The following FTO variants were observed in gnomAD, a reference collection of about 807,000 sequenced individuals.
The protein encoded by FTO is alpha-ketoglutarate-dependent dioxygenase FTO.
FTO carries 47 observed loss-of-function variants against 63.9 expected under a neutral mutation model. That is an observed-to-expected ratio of 0.74 (90% CI 0.58 to 0.94). The LOEUF (loss-of-function observed/expected upper bound fraction) is 0.94. Among genes scored for constraint, FTO ranks in the 40% least tolerant of loss-of-function variants. The pLI is 0.00. For missense variants in FTO, 562 were observed against 618.1 expected, an observed-to-expected ratio of 0.91 and a Z score of 0.96; for synonymous variants, 207 against 224.4, an observed-to-expected ratio of 0.92 and a Z score of 0.69.
chr16:54,042,837 G>A lies in FTO; in HGVS notation c.1365-68925G>A, dbSNP rs1378687612. ...CAGCCTAACTGGGAGGCACCCCCCAGCAGGGGCACACTGACACCTCACATG... is the reference window on the plus strand; with the variant it reads ...CAGCCTAACTGGGAGGCACCCCCCAACAGGGGCACACTGACACCTCACATG... On this transcript the variant is annotated intron_variant, in intron 8 of 8. Coordinates refer to ENST00000471389, the MANE Select transcript of FTO (RefSeq NM_001080432.3). Among the ~76,000 whole-genome samples, 15 of 73,068 alleles carry A rather than the reference G, an allele frequency of 2.1e-4. 2 individuals are homozygous for A. The highest frequency in any genetic ancestry group is 5.8e-4 in the Admixed American group (4 of 6,868). The allele number at this position is 73,068 out of a possible 152,430, so 47.9% of individuals were successfully genotyped here.
chr16:54,010,493 A>G (rs1380068067), intron 8 of FTO, among the ~76,000 whole-genome samples: 2 of 152,120 alleles, frequency 1.3e-5, no homozygotes, highest in African/African-American at 2.4e-5. Flanking sequence ...TAAAATGTAT[A>G]TGGGAAATCA....
intron 8 of FTO, among the ~76,000 whole-genome samples, chr16:54,000,887 A>T (rs1173497926): frequency 1.3e-5 from 2 of 152,208 alleles, no homozygotes; most frequent in African/African-American, 4.8e-5. Context: ...CATAAAATAG[A>T]AGTCAGAAAG....
At chr16:53,828,291 C>T (rs1419269088) in intron 3 of FTO, among the ~76,000 whole-genome samples, 1 of 152,156 alleles carries the variant, frequency 6.6e-6, no homozygotes, top group African/African-American at 2.4e-5. Context: ...GCGATCTCCA[C>T]TCACTGCAAG....
At chr16:53,867,055 T>A (rs1365844494) in intron 4 of FTO, among the ~76,000 whole-genome samples, 2 of 152,180 alleles carry the variant, frequency 1.3e-5, no homozygotes, top group Non-Finnish European at 2.9e-5. Context: ...GCAGTGCTAA[T>A]GTTGCTTCCA....
chr16:53,930,220 T>TC (rs2082246373), intron 7 of FTO, among the ~76,000 whole-genome samples: 2 of 139,064 alleles, frequency 1.4e-5, no homozygotes, highest in Non-Finnish European at 3.1e-5. Flanking sequence ...ATGATTATCT[T>TC]CTTTTTTTTT....
At chr16:53,932,772 CT>C (rs1265369980) in intron 7 of FTO, among the ~76,000 whole-genome samples, 1 of 152,100 alleles carries the variant, frequency 6.6e-6, no homozygotes, top group Non-Finnish European at 1.5e-5. Flanking sequence ...ATGATCTGGC[CT>C]CGGAAAGTTC....
At chr16:53,730,864 G>A (rs556785139) in intron 1 of FTO, among the ~76,000 whole-genome samples, 53 of 152,186 alleles carry the variant, frequency 3.5e-4, no homozygotes, top group African/African-American at 1.3e-3. Flanking sequence ...TATTTAAATA[G>A]TTTCCTCTAT....
At chr16:53,935,624 G>A (rs1200141225) in intron 8 of FTO, 1 of 152,020 alleles carries the variant, frequency 6.6e-6, no homozygotes, top group African/African-American at 2.4e-5. Context: ...GCCCAGGCTG[G>A]TCTTAAACTC....
chr16:54,044,729 G>A (rs1247517565), intron 8 of FTO, among the ~76,000 whole-genome samples: 3 of 70,718 alleles, frequency 4.2e-5, no homozygotes, highest in Admixed American at 1.6e-4. Flanking sequence ...CTCAGCAAAC[G>A]TAAAAGAACA....
intron 7 of FTO, among the ~76,000 whole-genome samples, chr16:53,899,523 A>G (rs2081351810): frequency 6.6e-6 from 1 of 152,208 alleles, no homozygotes; most frequent in Non-Finnish European, 1.5e-5. Flanking sequence ...CTTCCTCTAG[A>G]CAAGCTGAAA....
At chr16:53,737,825 G>A (rs2076425094) in intron 1 of FTO, among the ~76,000 whole-genome samples, 1 of 152,072 alleles carries the variant, frequency 6.6e-6, no homozygotes, top group Admixed American at 6.5e-5. Flanking sequence ...TTTAAAAATA[G>A]CGTTATTGAG....
intron 1 of FTO, among the ~76,000 whole-genome samples, chr16:53,726,510 G>A (rs889421234): frequency 6.6e-6 from 1 of 152,196 alleles, no homozygotes; most frequent in African/African-American, 2.4e-5. Flanking sequence ...AGCAGAGCAT[G>A]CTTAAAACCA....
chr16:53,889,360 C>T (rs2081089478), intron 7 of FTO, among the ~76,000 whole-genome samples: 3 of 152,116 alleles, frequency 2.0e-5, no homozygotes, highest in Admixed American at 6.5e-5. Flanking sequence ...AACTGAGGGG[C>T]AGGGAAATGA....
intron 4 of FTO, among the ~76,000 whole-genome samples, chr16:53,870,647 C>T (rs2080467643): frequency 1.3e-5 from 2 of 152,176 alleles, no homozygotes; most frequent in Non-Finnish European, 2.9e-5. Context: ...ACTTTTCCTT[C>T]CATCCTCTTT....
chr16:53,872,582 C>A (rs1200884883), intron 4 of FTO, among the ~76,000 whole-genome samples: 1 of 152,116 alleles, frequency 6.6e-6, no homozygotes, highest in African/African-American at 2.4e-5. Context: ...TTGCTGAAAC[C>A]TTTGATTCAT....
chr16:53,750,084 T>C (rs936419028), intron 1 of FTO, among the ~76,000 whole-genome samples: 3 of 152,178 alleles, frequency 2.0e-5, no homozygotes, highest in Non-Finnish European at 2.9e-5. Context: ...CAGAGTTGAA[T>C]TGAGGCTATC....
At chr16:53,838,828 G>A (rs2079382411) in intron 3 of FTO, among the ~76,000 whole-genome samples, 1 of 152,052 alleles carries the variant, frequency 6.6e-6, no homozygotes, top group Non-Finnish European at 1.5e-5. Context: ...AACAGAGCGA[G>A]ACTCTAGTCT....
At chr16:53,789,740 T>C (rs912146217) in intron 1 of FTO, among the ~76,000 whole-genome samples, 1 of 146,246 alleles carries the variant, frequency 6.8e-6, no homozygotes, top group Non-Finnish European at 1.5e-5. Context: ...CTGTTTATAG[T>C]GTCTGGAACA....
At chr16:54,061,437 A>G (rs1378411069) in intron 8 of FTO, among the ~76,000 whole-genome samples, 1 of 152,154 alleles carries the variant, frequency 6.6e-6, no homozygotes, top group Non-Finnish European at 1.5e-5. Context: ...GAAGCTTTAG[A>G]TATTTTGCCA....
Sources: allele counts gnomAD v4.1 joint callset (sites outside exome capture counted in the v4.1 genomes callset), GRCh38; gene constraint gnomAD v4.1.1; transcripts MANE v1.5; gene names NCBI Gene and HGNC (gene_info 2026-07-23, HGNC 2026-07-21).